PLIN4: variants seen among roughly 807,000 people sequenced by gnomAD.
PLIN4 encodes perilipin 4, also known as perilipin-4.
A neutral mutation model predicts 52.4 loss-of-function variants in PLIN4; 57 were observed. That is an observed-to-expected ratio of 1.09 (90% CI 0.88 to 1.36). PLIN4 has a LOEUF of 1.36. Ranked by LOEUF, PLIN4 falls within the 40% of genes most tolerant of loss-of-function variation. The pLI is 0.00. For synonymous variants in PLIN4, 826 were observed against 785.4 expected, an observed-to-expected ratio of 1.05 and a Z score of -0.86; for missense variants, 1,757 against 1,770.3, an observed-to-expected ratio of 0.99 and a Z score of 0.13.
In PLIN4 at chr19:4,511,063, G is replaced by A. The variant is rs1191298129; in HGVS notation, c.2897C>T (p.Thr966Ile). The A allele has an allele frequency of 6.2e-6, 10 of 1,613,346 alleles. No homozygotes were observed. The African/African-American group carries it at 1.1e-4, about 17-fold the overall frequency. The change falls in exon 5 of 8, where the codon ACT (threonine) becomes ATT (isoleucine). Residue 966 changes from threonine to isoleucine, a missense_variant. Coordinates refer to ENST00000301286, the MANE Select transcript of PLIN4 (RefSeq NM_001367868.2). Reference protein sequence around the residue: ...VLSGAKDAVTTGVTGAVNVAK... With the variant: ...VLSGAKDAVTIGVTGAVNVAK... ...CACATTCACTGCCCCCGTGACTCCAGTAGTCACTGCATCCTTAGCGCCACT... is the reference window on the plus strand; with the variant it reads ...CACATTCACTGCCCCCGTGACTCCAATAGTCACTGCATCCTTAGCGCCACT...
At position 4,504,509 on chromosome 19, in the gene PLIN4, G is replaced by A. The variant is rs1383089619; in HGVS notation, c.4066C>T (p.Pro1356Ser). 5 of 1,600,776 alleles carry A rather than the reference G, an allele frequency of 3.1e-6. No homozygotes were observed. The African/African-American group carries it at 4.0e-5, about 13-fold the overall frequency. ...QLLEGLQHNP[P>S]LSWLVGPFAL... ...AAGGGCCCTACCAGCCAGCTGAGCG[G>A]GGGATTGTGCTGTAGGCCCTCCAGC... Residue 1356 changes from proline to serine, a missense_variant, in exon 8 of 8, where the codon CCG (proline) becomes TCG (serine). Around this residue, in one of 7 missense-constraint regions of PLIN4, gnomAD observed 712 missense variants for 637.1 expected, o/e 1.12. Transcript: ENST00000301286.
At chr19:4,514,961 A>T (rs1401468002) in intron 4 of PLIN4, among the ~76,000 whole-genome samples, 1 of 151,690 alleles carries the variant, frequency 6.6e-6, no homozygotes, top group Non-Finnish European at 1.5e-5. Flanking sequence ...GGATCACCTG[A>T]GGTCAAGAGT....
Position 4,504,643 on chromosome 19 carries a change from T to G in PLIN4, c.3932A>C (p.Glu1311Ala), listed in dbSNP as rs781064414. 8.7e-6 allele frequency: 14 copies of G among 1,603,748 alleles called. No individual in the cohort carries two copies. The highest frequency in any genetic ancestry group is 1.3e-5 in the African/African-American group (1 of 74,846). ...AGCTGAGGCCACGATGCCATAGAGC[T>G]CACAGAGGCTGTGCCGCGCCCGCCC... ...PVGRARHSLC[E>A]LYGIVASAGS... Residue 1311 changes from glutamate (E) to alanine (A), a missense_variant, in exon 8 of 8, where the codon GAG becomes GCG. Glu to Ala is a moderately radical substitution (Grantham distance 107). Around this residue, in one of 7 missense-constraint regions of PLIN4, gnomAD observed 712 missense variants for 637.1 expected, o/e 1.12. Transcript: ENST00000301286.
rs145519622 is a variant in PLIN4, at chr19:4,510,838, G to T, written c.3122C>A (p.Ala1041Glu). 2 of 1,612,070 alleles carry T rather than the reference G, an allele frequency of 1.2e-6. No homozygotes were observed. Among genetic ancestry groups the T allele is most frequent in the South Asian group, 1.1e-5 (1 of 91,054 alleles). Residue 1041 changes from alanine to glutamate, a missense_variant, in exon 5 of 8, where the codon GCG becomes GAG. Coordinates refer to ENST00000301286, the MANE Select transcript of PLIN4 (RefSeq NM_001367868.2). ...GAGGCCAGTGTGGGTGGCCCCTGTC[G>T]CCACGTTCCCTGACCCCATGAGCCC... is the stretch of plus-strand genomic sequence containing the variant. Reference protein sequence around the residue: ...SAGLMGSGNVATGATHTGLST... With the variant: ...SAGLMGSGNVETGATHTGLST...
Position 4,504,682 on chromosome 19 carries a change from A to C in PLIN4, c.3893T>G (p.Leu1298Arg), listed in dbSNP as rs1976033608. ...CCGCGCCCGCCCCACTGGCTGCTGGAGCTCGGCGGGCAGGCCCTGGAGGCT... is the reference window on the plus strand; with the variant it reads ...CCGCGCCCGCCCCACTGGCTGCTGGCGCTCGGCGGGCAGGCCCTGGAGGCT... ...VSSLQGLPAE[L>R]QQPVGRARHS... The change falls in exon 8 of 8, where the codon CTC (leucine) becomes CGC (arginine). Residue 1298 changes from leucine (L) to arginine (R), a missense_variant. Transcript: ENST00000301286. The C allele has an allele frequency of 5.6e-6, 9 of 1,602,236 alleles. No individual in the cohort carries two copies. The highest frequency in any genetic ancestry group is 7.6e-6 in the Non-Finnish European group (9 of 1,178,140).
At chr19:4,518,144 G>C (rs1327706172) in intron 2 of PLIN4, 78 bp downstream of exon 2, 2 of 1,159,598 alleles carry the variant, frequency 1.7e-6, no homozygotes, top group African/African-American at 3.2e-5. Flanking sequence ...CGAGACCCCA[G>C]GACTGTGGAG....
rs937554305 is a variant in PLIN4, at chr19:4,504,096, C to T, written c.*363G>A. On this transcript the variant is annotated 3_prime_UTR_variant, in exon 8 of 8. Transcript: ENST00000301286. ...CTGCTAGATATAAAAGGGTTGCTAG[C>T]GGGGCAAACAGATGCCCTTCCAGGC... 4 of 209,308 alleles carry T rather than the reference C, an allele frequency of 1.9e-5. No individual in the cohort carries two copies. In the East Asian group the frequency reaches 3.2e-4, roughly 17 times the overall value. 13.0% of individuals were successfully genotyped at this position (209,308 alleles called of 1,614,324 possible).
chr19:4,510,837 C>T lies in PLIN4; in HGVS notation c.3123G>A (p.Ala1041=), dbSNP rs369001887. 6.0e-5 allele frequency: 97 copies of T among 1,611,990 alleles called. 1 individual carries two copies. Among genetic ancestry groups the T allele is most frequent in the African/African-American group, 4.7e-4 (35 of 74,982 alleles). The part of the protein sequence containing the change: ...SAGLMGSGNV[A]TGATHTGLST... ...TGAGGCCAGTGTGGGTGGCCCCTGTCGCCACGTTCCCTGACCCCATGAGCC... is the reference window on the plus strand; with the variant it reads ...TGAGGCCAGTGTGGGTGGCCCCTGTTGCCACGTTCCCTGACCCCATGAGCC... The change falls in exon 5 of 8, where the codon GCG becomes GCA. Residue 1041 remains alanine (A), a synonymous_variant. Transcript: ENST00000301286.
chr19:4,514,680 A>G (rs1361252800), intron 4 of PLIN4, among the ~76,000 whole-genome samples: 1 of 151,812 alleles, frequency 6.6e-6, no homozygotes, highest in Admixed American at 6.6e-5. Context: ...GTGAGCCGAG[A>G]TCGCGCCACT....
intron 5 of PLIN4, 97 bp from the exon 6 acceptor site, chr19:4,509,052 G>GT (rs1976194700): frequency 8.2e-7 from 1 of 1,215,560 alleles, no homozygotes; most frequent in East Asian, 2.5e-5. Flanking sequence ...GTTCCCGCCT[G>GT]TGATCCCAGC....
Position 4,516,693 on chromosome 19 carries a change from G to T in PLIN4, c.197-15C>A, listed in dbSNP as rs1486449314. The T allele has an allele frequency of 5.7e-6, 9 of 1,581,482 alleles. No individual in the cohort carries two copies. The highest frequency in any genetic ancestry group is 6.0e-6 in the Non-Finnish European group (7 of 1,164,358). ...GTGGGCAGCCACTGTGGGGACAGGG[G>T]CCGGTCAGGGAGAGTGAGGGATGCA... On this transcript the variant is annotated splice_polypyrimidine_tract_variant and intron_variant, in intron 3 of 7. Coordinates refer to ENST00000301286, the MANE Select transcript of PLIN4 (RefSeq NM_001367868.2).
chr19:4,507,843 G>A (rs1475952489), intron 6 of PLIN4, among the ~76,000 whole-genome samples: 1 of 152,100 alleles, frequency 6.6e-6, no homozygotes, highest in Non-Finnish European at 1.5e-5. Context: ...GGACCAGGAT[G>A]ATCCCACCCC....
intron 4 of PLIN4, among the ~76,000 whole-genome samples, chr19:4,515,190 T>C (rs989107914): frequency 6.6e-6 from 1 of 151,290 alleles, no homozygotes; most frequent in Non-Finnish European, 1.5e-5. Context: ...TAAAAAAAAA[T>C]TAAAAAACAC....
Position 4,510,873 on chromosome 19 carries a change from T to C in PLIN4, c.3087A>G (p.Ala1029=). ...TKTVLTGTKD[A]VSAGLMGSGN... The stretch of plus-strand genomic sequence containing the variant: ...CTGACCCCATGAGCCCAGCGGACAC[T>C]GCGTCTTTGGTTCCGGTCAGCACTG... Residue 1029 remains alanine, a synonymous_variant, in exon 5 of 8, where the codon GCA becomes GCG. Coordinates refer to ENST00000301286, the MANE Select transcript of PLIN4 (RefSeq NM_001367868.2). 6.2e-7 allele frequency: 1 copy of C among 1,613,604 alleles called. No homozygotes were observed. The highest frequency in any genetic ancestry group is 8.5e-7 in the Non-Finnish European group (1 of 1,179,820).
chr19:4,509,310 C>CAAAAAAAAAAAAAAAAAAAAA (rs71168909), intron 5 of PLIN4, among the ~76,000 whole-genome samples: 212 of 15,782 alleles, frequency 0.013, 69 homozygotes, highest in African/African-American at 0.03. Context: ...GACTCCGTCT[C>CAAAAAAAAAAAAAAAAAAAAA]AAAAAAAAAA....
chr19:4,517,375 AC>A (rs372032540), intron 3 of PLIN4, among the ~76,000 whole-genome samples, 178 bp downstream of exon 3: 3 of 151,504 alleles, frequency 2.0e-5, no homozygotes, highest in African/African-American at 7.3e-5. Context: ...TCGGCCACTC[AC>A]CCCCCATATT....
chr19:4,513,967 C>T (rs148081963), intron 4 of PLIN4, among the ~76,000 whole-genome samples: 213 of 152,338 alleles, frequency 1.4e-3, no homozygotes, highest in African/African-American at 5.0e-3. Flanking sequence ...TCACGCACCC[C>T]CTTTCCCGGC....
chr19:4,515,625 C>G (rs1976564783), intron 4 of PLIN4, among the ~76,000 whole-genome samples: 1 of 152,132 alleles, frequency 6.6e-6, no homozygotes, highest in African/African-American at 2.4e-5. Context: ...CCAGGGGGCA[C>G]TGGGTGATGT....
rs1568236462 is a variant in PLIN4 at position 4,513,719 on chromosome 19, AG to A, written c.259-19del. 6.4e-7 allele frequency: 1 copy of A among 1,554,050 alleles called. No individual in the cohort carries two copies. The highest frequency in any genetic ancestry group is 2.3e-5 in the East Asian group (1 of 44,368). ...GACACCATCTGCTGAGAAAGGACAC[AG>A]GTGGATCAAGAGAAGGACTGAGAGG... On this transcript the variant is annotated intron_variant, in intron 4 of 7. Transcript: ENST00000301286.
Sources: allele counts gnomAD v4.1 joint callset (sites outside exome capture counted in the v4.1 genomes callset), GRCh38; gene constraint gnomAD v4.1.1; regional missense constraint gnomAD v4.1.1; transcripts MANE v1.5; gene names NCBI Gene and HGNC (gene_info 2026-07-23, HGNC 2026-07-21).